PCDH15: variants seen among roughly 807,000 people sequenced by gnomAD.
The protein encoded by PCDH15 is protocadherin-15.
Under a neutral mutation model 178.5 loss-of-function variants are expected in PCDH15, and 129 were observed. The ratio of observed to expected loss-of-function variants is 0.72; its 90% CI spans 0.63 to 0.84. The LOEUF (loss-of-function observed/expected upper bound fraction) is 0.84. Among genes scored for constraint, PCDH15 ranks in the 40% least tolerant of loss-of-function variants. PCDH15 has a pLI of 0.00. For synonymous variants in PCDH15, 800 were observed against 732.0 expected, an observed-to-expected ratio of 1.09 and a Z score of -1.50; for missense variants, 2,230 against 2,099.9, an observed-to-expected ratio of 1.06 and a Z score of -1.21.
At chr10:54,916,667 C>T (rs1419556808) in intron 2 of PCDH15, among the ~76,000 whole-genome samples, 1 of 152,198 alleles carries the variant, frequency 6.6e-6, no homozygotes, top group East Asian at 1.9e-4. Flanking sequence ...CATTACACAT[C>T]TCACAATCCG....
In PCDH15 at chr10:54,022,956, T is replaced by C. The variant is rs147831990; in HGVS notation, c.2462A>G (p.Asn821Ser). The change falls in exon 19 of 38, where the codon AAT becomes AGT. Residue 821 changes from asparagine to serine, a missense_variant. Physicochemically the swap from Asn to Ser is conservative, Grantham distance 46. Coordinates refer to ENST00000644397, the MANE Select transcript of PCDH15 (RefSeq NM_001384140.1). Reference protein sequence around the residue: ...DIDDNSPVFTNSTYTVLVEEN... With the variant: ...DIDDNSPVFTSSTYTVLVEEN... ...TTCAACAAGGACAGTGTATGTTGAA[T>C]TGGTGAACACAGGACTGTTATCATC... is the stretch of plus-strand genomic sequence containing the variant. 1.2e-6 allele frequency: 2 copies of C among 1,613,936 alleles called. No homozygotes were observed. Among genetic ancestry groups the C allele is most frequent in the Admixed American group, 1.7e-5 (1 of 59,994 alleles).
At chr10:54,512,114 C>T (rs1300007455) in intron 3 of PCDH15, among the ~76,000 whole-genome samples, 2 of 151,924 alleles carry the variant, frequency 1.3e-5, no homozygotes, top group Admixed American at 1.3e-4. Flanking sequence ...CAAAACACCC[C>T]TTCTAGGGTT....
chr10:54,854,404 G>A (rs550411547), intron 3 of PCDH15, among the ~76,000 whole-genome samples: 5 of 152,212 alleles, frequency 3.3e-5, no homozygotes, highest in East Asian at 1.9e-4. Context: ...CTCCTTCCAC[G>A]GTAACCAAGT....
At chr10:54,943,778 T>C (rs1193551808) in intron 2 of PCDH15, among the ~76,000 whole-genome samples, 3 of 151,818 alleles carry the variant, frequency 2.0e-5, no homozygotes, top group African/African-American at 7.2e-5. Context: ...ATCAGACTTT[T>C]TGATCTTAAA....
chr10:53,959,244 CACT>C (rs918121313), intron 23 of PCDH15, among the ~76,000 whole-genome samples: 8 of 138,278 alleles, frequency 5.8e-5, no homozygotes, highest in Non-Finnish European at 1.1e-4. Flanking sequence ...TAAATACACA[CACT>C]ACATTTATAT....
chr10:54,500,852 T>C (rs746961374), intron 3 of PCDH15, among the ~76,000 whole-genome samples: 1 of 151,998 alleles, frequency 6.6e-6, no homozygotes, highest in Non-Finnish European at 1.5e-5. Flanking sequence ...TGCCCATCAA[T>C]GATAGACTGG....
At chr10:54,790,145 G>A (rs912074646) in intron 1 of PCDH15, among the ~76,000 whole-genome samples, 1 of 151,686 alleles carries the variant, frequency 6.6e-6, no homozygotes, top group South Asian at 2.1e-4. Flanking sequence ...TGAAGAAATT[G>A]TCAGAGAGCC....
chr10:53,871,469 T>TGTGTGTGC (rs1305952128), intron 26 of PCDH15, among the ~76,000 whole-genome samples: 4 of 151,192 alleles, frequency 2.6e-5, no homozygotes, highest in Admixed American at 6.6e-5. Flanking sequence ...TGTGTGTGTG[T>TGTGTGTGC]GTGTGTGTGT....
At chr10:54,720,354 T>C (rs1210186643) in intron 1 of PCDH15, among the ~76,000 whole-genome samples, 1 of 151,856 alleles carries the variant, frequency 6.6e-6, no homozygotes, top group African/African-American at 2.4e-5. Context: ...CTAATGCATA[T>C]AGTCATCAGA....
intron 2 of PCDH15, among the ~76,000 whole-genome samples, chr10:55,567,858 C>T (rs980523625): frequency 1.3e-5 from 2 of 151,370 alleles, no homozygotes; most frequent in Admixed American, 1.3e-4. Context: ...AAAAAAACTA[C>T]AATGAGATAC....
intron 25 of PCDH15, among the ~76,000 whole-genome samples, chr10:53,914,995 T>C (rs919923812): frequency 5.3e-4 from 81 of 152,164 alleles, no homozygotes; most frequent in African/African-American, 1.9e-3. Context: ...TATAGGCAAA[T>C]TAATGTTTAA....
At chr10:53,925,062 T>C (rs982867763) in intron 25 of PCDH15, among the ~76,000 whole-genome samples, 1 of 152,134 alleles carries the variant, frequency 6.6e-6, no homozygotes, top group Admixed American at 6.5e-5. Context: ...TGGGGCCACA[T>C]GAGGGAATAA....
chr10:54,703,097 T>C (rs367595910), intron 1 of PCDH15, among the ~76,000 whole-genome samples: 87 of 152,182 alleles, frequency 5.7e-4, no homozygotes, highest in African/African-American at 1.9e-3. Context: ...TAAATATGAT[T>C]CACCACATCA....
chr10:55,341,797 ATATATATATTTTTTTTT>A (rs1243675723), intron 2 of PCDH15, among the ~76,000 whole-genome samples: 17 of 11,328 alleles, frequency 1.5e-3, no homozygotes, highest in East Asian at 3.8e-3. Flanking sequence ...ATATATATAT[ATATATATATTTTTTTTT>A]TTTTTTTTTT....
intron 26 of PCDH15, among the ~76,000 whole-genome samples, chr10:53,871,927 C>G (rs932241337): frequency 2.0e-5 from 3 of 151,944 alleles, no homozygotes; most frequent in Admixed American, 6.6e-5. Flanking sequence ...GGGCGGATCA[C>G]CTGAGGTCAC....
rs562483239 is a variant in PCDH15 at position 55,033,055 on chromosome 10, G to C, written c.-80+133521C>G. Among the ~76,000 whole-genome samples the C allele has an allele frequency of 3.9e-5, 6 of 152,208 alleles. No individual in the cohort carries two copies. The East Asian group carries it at 5.8e-4, about 15-fold the overall frequency. Reference sequence around the variant, plus strand: ...ATGATGCTAAATCTTCAGTCAAGCAGAGTGCATGAGCTGTGGAGGCTTGGA... The same window carrying C: ...ATGATGCTAAATCTTCAGTCAAGCACAGTGCATGAGCTGTGGAGGCTTGGA... On this transcript the variant is annotated intron_variant, in intron 2 of 5. Transcript: ENST00000458638.
intron 3 of PCDH15, among the ~76,000 whole-genome samples, chr10:54,859,937 T>C (rs1306266895): frequency 6.6e-6 from 1 of 151,994 alleles, no homozygotes. Context: ...CTCATACTCT[T>C]AAGCATCTAT....
intron 2 of PCDH15, among the ~76,000 whole-genome samples, chr10:55,346,831 A>C (rs987872625): frequency 6.6e-6 from 1 of 151,986 alleles, no homozygotes; most frequent in African/African-American, 2.4e-5. Context: ...TGTGAGATGA[A>C]AGTTCAAGTG....
At chr10:54,550,168 TCAC>T (rs2086391566) in intron 2 of PCDH15, among the ~76,000 whole-genome samples, 1 of 152,170 alleles carries the variant, frequency 6.6e-6, no homozygotes, top group African/African-American at 2.4e-5. Context: ...TTCCATGTTA[TCAC>T]CACATTTTAA....
Sources: gnomAD v4.1 joint callset for allele counts (sites outside exome capture counted in the v4.1 genomes callset) on GRCh38, gnomAD v4.1.1 for gene constraint, MANE v1.5 for transcripts, NCBI Gene and HGNC (gene_info 2026-07-23, HGNC 2026-07-21) for gene names.